DGCR8: variants seen among roughly 807,000 people sequenced by gnomAD.
DGCR8 encodes the protein DGCR8 microprocessor complex subunit, also known as microprocessor complex subunit DGCR8.
Under a neutral mutation model 78.5 loss-of-function variants are expected in DGCR8, and 14 were observed. The observed-to-expected ratio is 0.18, with a 90% CI of 0.12 to 0.28. The LOEUF (loss-of-function observed/expected upper bound fraction) is 0.28. DGCR8 is among the 10% of genes least tolerant of loss of function. The pLI is 1.00. For missense variants in DGCR8, 702 were observed against 1,022.5 expected (o/e 0.69, Z 4.28); for synonymous variants, 399 against 402.4 (o/e 0.99, Z 0.10).
At position 20,091,937 on chromosome 22, in the gene DGCR8, A is replaced by C; in HGVS notation, c.1573A>C (p.Lys525Gln). The C allele has an allele frequency of 6.2e-7, 1 of 1,614,094 alleles. No individual in the cohort carries two copies. Among genetic ancestry groups the C allele is most frequent in the Non-Finnish European group, 8.5e-7 (1 of 1,179,982 alleles). ...GCACGAGTACATGCAGCGTGTCCTC[A>C]AGGTCCGCCCTGTCTATAATTTCTT... ...ILHEYMQRVL[K>Q]VRPVYNFFEC... The change falls in exon 7 of 14, where the codon AAG becomes CAG. Residue 525 changes from lysine (K) to glutamine (Q), a missense_variant. Lys to Gln is a moderately conservative substitution (Grantham distance 53). This residue lies in a region of DGCR8 where 225 missense variants were observed against 427.7 expected (regional missense o/e 0.53). Transcript: ENST00000351989.
intron 9 of DGCR8, among the ~76,000 whole-genome samples, chr22:20,104,051 A>G (rs1326249450): frequency 3.3e-5 from 5 of 152,216 alleles, no homozygotes; most frequent in Middle Eastern, 3.4e-3. Context: ...CACTTCTGCC[A>G]TCTGTCTGCT....
chr22:20,095,441 C>T lies in DGCR8; in HGVS notation c.1788+646C>T, dbSNP rs542694739. Reference sequence around the variant, plus strand: ...CTTTATATACTTGACCCTTGAGTAACGTGGAAGTTAGGGGCACCAGCCTCT... The same window carrying T: ...CTTTATATACTTGACCCTTGAGTAATGTGGAAGTTAGGGGCACCAGCCTCT... On this transcript the variant is annotated intron_variant, in intron 9 of 13. Coordinates refer to ENST00000351989, the MANE Select transcript of DGCR8 (RefSeq NM_022720.7). Among the ~76,000 whole-genome samples the T allele has an allele frequency of 1.2e-4, 19 of 152,196 alleles. No individual in the cohort carries two copies. In the South Asian group the frequency reaches 3.5e-3, roughly 28 times the overall value.
At chr22:20,096,925 G>T (rs2049635137) in intron 9 of DGCR8, among the ~76,000 whole-genome samples, 1 of 152,088 alleles carries the variant, frequency 6.6e-6, no homozygotes, top group South Asian at 2.1e-4. Flanking sequence ...CTATTCAGAT[G>T]ATCATGTTTT....
chr22:20,098,363 TG>T (rs1218681497), intron 9 of DGCR8, among the ~76,000 whole-genome samples: 9 of 152,176 alleles, frequency 5.9e-5, no homozygotes. Context: ...AATCTGTTTC[TG>T]GTAAGTCCAG....
In DGCR8 at chr22:20,109,890, C is replaced by A. The variant is rs2049814718; in HGVS notation, c.2239-135C>A. The A allele has an allele frequency of 5.1e-6, 4 of 791,882 alleles. No individual in the cohort carries two copies. In the South Asian group the frequency reaches 6.7e-5, roughly 13 times the overall value. The allele number at this position is 791,882 out of a possible 1,614,324, so 49.1% of individuals were successfully genotyped here. A position where few individuals can be genotyped will look rare whatever the true frequency, so the allele number is the denominator to read the frequency against. ...GCCTTCCCTGCTCCTCCTAGCCTGG[C>A]ATCACAAGCACTGGTGCCGTTGGGG... On this transcript the variant is annotated intron_variant, in intron 13 of 13. Transcript: ENST00000351989.
At chr22:20,101,084 C>T (rs2049695062) in intron 9 of DGCR8, 10 of 603,466 alleles carry the variant, frequency 1.7e-5, no homozygotes, top group African/African-American at 2.0e-5. Flanking sequence ...CTGGCCACCT[C>T]CTCAGCATAA....
At chr22:20,091,770 C>CA in intron 6 of DGCR8, 99 bp from the exon 7 acceptor site, 1 of 1,487,652 alleles carries the variant, frequency 6.7e-7, no homozygotes, top group African/African-American at 1.4e-5. Context: ...CTGCCACATT[C>CA]ACGGTCGTGA....
In DGCR8 at chr22:20,086,167, C is replaced by T. The variant is rs911831215; in HGVS notation, c.204C>T (p.Asn68=). The part of the protein sequence containing the change: ...QSELPAEDPF[N]FYGASLLSKG... ...AACTCCCTGCTGAGGACCCCTTCAA[C>T]TTCTACGGAGCTTCTCTTCTCTCCA... Residue 68 remains asparagine, a synonymous_variant, in exon 2 of 14, where the codon AAC becomes AAT. Transcript: ENST00000351989. The surrounding 1 kb of genome is among the most constrained non-coding windows in gnomAD (Gnocchi z 6.4). 6 of 1,614,102 alleles carry T rather than the reference C, an allele frequency of 3.7e-6. No individual in the cohort carries two copies. The highest frequency in any genetic ancestry group is 5.1e-6 in the Non-Finnish European group (6 of 1,180,058).
intron 1 of DGCR8, among the ~76,000 whole-genome samples, chr22:20,083,963 T>C (rs2049447854): frequency 6.6e-6 from 1 of 152,200 alleles, no homozygotes; most frequent in Non-Finnish European, 1.5e-5. Context: ...TGGACACATC[T>C]TTGGGAACAT....
intron 9 of DGCR8, among the ~76,000 whole-genome samples, chr22:20,100,015 C>T (rs890250079): frequency 9.9e-5 from 15 of 152,134 alleles, no homozygotes; most frequent in Non-Finnish European, 1.8e-4. Context: ...GATTGCAGAC[C>T]ACATGTGGAT....
chr22:20,091,799 G>A (rs1317876740), intron 6 of DGCR8, 70 bp from the exon 7 acceptor site: 2 of 1,514,558 alleles, frequency 1.3e-6, no homozygotes, highest in East Asian at 2.3e-5. Context: ...TTACTGACAT[G>A]GTAACAGGAA....
chr22:20,107,506 C>T (rs2049784815), intron 12 of DGCR8, 108 bp downstream of exon 12: 2 of 1,393,722 alleles, frequency 1.4e-6, no homozygotes, highest in Non-Finnish European at 2.0e-6. Flanking sequence ...TGCTGTTGCT[C>T]ACAGCTGCCT....
Position 20,111,393 on chromosome 22 carries a change from A to G in DGCR8, c.*1285A>G, listed in dbSNP as rs1378461499. On this transcript the variant is annotated 3_prime_UTR_variant, in exon 14 of 14. Transcript: ENST00000351989. The stretch of plus-strand genomic sequence containing the variant: ...TTTTTTTTTTTCTGTCAGGAAAACA[A>G]TGTTGGCCTGTGGGCCGCCCACAAC... 17 of 397,392 alleles carry G rather than the reference A, an allele frequency of 4.3e-5. No homozygotes were observed. The highest frequency in any genetic ancestry group is 8.8e-5 in the Admixed American group (2 of 22,602). 24.6% of individuals were successfully genotyped at this position (397,392 alleles called of 1,614,324 possible). A position where few individuals can be genotyped will look rare whatever the true frequency, so the allele number is the denominator to read the frequency against.
rs992384016 is a variant in DGCR8 at position 20,086,984 on chromosome 22, G to A, written c.721-178G>A. The A allele has an allele frequency of 1.2e-6, 1 of 836,932 alleles. No homozygotes were observed. The highest frequency in any genetic ancestry group is 1.8e-6 in the Non-Finnish European group (1 of 544,708). The allele number at this position is 836,932 out of a possible 1,614,324, so 51.8% of individuals were successfully genotyped here. On this transcript the variant is annotated intron_variant, in intron 2 of 13. Coordinates refer to ENST00000351989, the MANE Select transcript of DGCR8 (RefSeq NM_022720.7). The surrounding 1 kb of genome is among the most constrained non-coding windows in gnomAD (Gnocchi z 6.4). ...TGTGTGCCCCTGGACCAGGTGTGTT[G>A]GTGTCAGCTGGTAGCTTCATCCTGT... is the stretch of plus-strand genomic sequence containing the variant.
At chr22:20,097,695 C>A (rs2049644140) in intron 9 of DGCR8, among the ~76,000 whole-genome samples, 1 of 151,946 alleles carries the variant, frequency 6.6e-6, no homozygotes, top group African/African-American at 2.4e-5. Context: ...TTCAAGTTTG[C>A]TCCTTTATCT....
intron 9 of DGCR8, among the ~76,000 whole-genome samples, chr22:20,095,120 T>A (rs879932185): frequency 6.6e-6 from 1 of 152,140 alleles, no homozygotes; most frequent in Non-Finnish European, 1.5e-5. Flanking sequence ...AGATTGTTCT[T>A]TTTTTTGAGA....
At chr22:20,097,886 T>TGG (rs1436425170) in intron 9 of DGCR8, among the ~76,000 whole-genome samples, 3 of 149,944 alleles carry the variant, frequency 2.0e-5, no homozygotes, top group Non-Finnish European at 4.4e-5. Flanking sequence ...CCCAGCACTT[T>TGG]GGGAGGCCAA....
At position 20,086,405 on chromosome 22, in the gene DGCR8, T is replaced by C. The variant is rs751629283; in HGVS notation, c.442T>C (p.Cys148Arg). 16 of 1,612,976 alleles carry C rather than the reference T, an allele frequency of 9.9e-6. No homozygotes were observed. In the Admixed American group the frequency reaches 2.3e-4, roughly 24 times the overall value. ...AGCAGAGCGCGACGTGCGGGCGGAG[T>C]GCGGTCTGCTCCTTAGCCCTGTCAG... ...TGAERDVRAECGLLLSPVSGD... is the reference protein window; with the variant it reads ...TGAERDVRAERGLLLSPVSGD... The change falls in exon 2 of 14, where the codon TGC becomes CGC. Residue 148 changes from cysteine to arginine, a missense_variant. Around this residue, in one of 4 missense-constraint regions of DGCR8, gnomAD observed 356 missense variants for 448.9 expected, o/e 0.79. Transcript: ENST00000351989. The surrounding 1 kb of genome is among the most constrained non-coding windows in gnomAD (Gnocchi z 6.4).
intron 10 of DGCR8, 34 bp downstream of exon 10, chr22:20,106,311 G>C (rs771308202): frequency 6.5e-7 from 1 of 1,532,690 alleles, no homozygotes; most frequent in Non-Finnish European, 9.0e-7. Context: ...CCATGAGTCA[G>C]GTCGGGGGAG....
Sources: gnomAD v4.1 joint callset for allele counts (sites outside exome capture counted in the v4.1 genomes callset) on GRCh38, gnomAD v4.1.1 for gene constraint, gnomAD v4.1.1 regional missense constraint, Gnocchi (gnomAD v3.1) non-coding constraint, MANE v1.5 for transcripts, NCBI Gene and HGNC (gene_info 2026-07-23, HGNC 2026-07-21) for gene names.